The following SDK1 variants were observed in gnomAD, a reference collection of about 807,000 sequenced individuals.
SDK1 encodes the protein protein sidekick-1.
SDK1 carries 157 observed loss-of-function variants against 245.5 expected under a neutral mutation model. That is an observed-to-expected ratio of 0.64 (90% CI 0.56 to 0.73). The LOEUF is 0.73. Among genes scored for constraint, SDK1 ranks in the 30% least tolerant of loss-of-function variants. SDK1 has a pLI of 0.00. For synonymous variants in SDK1, 1,647 were observed against 1,278.5 expected (o/e 1.29, Z -6.15); for missense variants, 3,583 against 3,002.3 (o/e 1.19, Z -4.52).
chr7:3,998,211 C>G (rs755972464), intron 14 of SDK1, among the ~76,000 whole-genome samples: 1 of 152,238 alleles, frequency 6.6e-6, no homozygotes, highest in Non-Finnish European at 1.5e-5. Flanking sequence ...CGCCCCAACT[C>G]GTAAGGGGCA....
At chr7:3,419,562 G>A (rs117479459) in intron 1 of SDK1, among the ~76,000 whole-genome samples, 2,244 of 152,242 alleles carry the variant, frequency 0.015, 32 homozygotes, top group South Asian at 0.046. Flanking sequence ...CTGTTCTGTA[G>A]GATTCTTCTG....
rs971940717 is a variant in SDK1 at position 3,962,700 on chromosome 7, C to T, written c.1278C>T (p.Ser426=). Residue 426 remains serine (S), a synonymous_variant, in exon 9 of 45, where the codon TCC becomes TCT. Coordinates refer to ENST00000404826, the MANE Select transcript of SDK1 (RefSeq NM_152744.4). The part of the protein sequence containing the change: ...PTLQWYKDAI[S]ISRLQNPRYK... The stretch of plus-strand genomic sequence containing the variant: ...TCCAGTGGTACAAGGATGCCATCTC[C>T]ATCAGCAGGCTCCAGAATCCTCGAT... 3 of 1,613,764 alleles carry T rather than the reference C, an allele frequency of 1.9e-6. No individual in the cohort carries two copies. Among genetic ancestry groups the T allele is most frequent in the Admixed American group, 1.7e-5 (1 of 59,996 alleles).
At chr7:3,403,081 C>T (rs1278495365) in intron 1 of SDK1, among the ~76,000 whole-genome samples, 1 of 152,102 alleles carries the variant, frequency 6.6e-6, no homozygotes, top group Non-Finnish European at 1.5e-5. Flanking sequence ...ATTACAGCTG[C>T]ATGCCACCAC....
chr7:3,946,254 T>A (rs1424781108), intron 5 of SDK1, among the ~76,000 whole-genome samples: 3 of 152,088 alleles, frequency 2.0e-5, no homozygotes, highest in African/African-American at 7.2e-5. Flanking sequence ...CATAGCTCAC[T>A]GCAGCCTCAA....
chr7:3,692,679 G>GT (rs1366128339), intron 4 of SDK1, among the ~76,000 whole-genome samples: 3 of 151,560 alleles, frequency 2.0e-5, no homozygotes, highest in Non-Finnish European at 4.4e-5. Flanking sequence ...TGGTCAAAGG[G>GT]TATAAATATT....
At chr7:3,736,369 T>G (rs1049999748) in intron 4 of SDK1, among the ~76,000 whole-genome samples, 1 of 152,184 alleles carries the variant, frequency 6.6e-6, no homozygotes, top group African/African-American at 2.4e-5. Flanking sequence ...CTCGGCTCAC[T>G]GCGAGCTCTG....
Position 4,266,870 on chromosome 7 carries a change from C to G in SDK1, c.*1486C>G. 1 of 985,532 alleles carries G rather than the reference C, an allele frequency of 1.0e-6. No individual in the cohort carries two copies. Among genetic ancestry groups the G allele is most frequent in the Non-Finnish European group, 1.2e-6 (1 of 830,012 alleles). 61.0% of individuals were successfully genotyped at this position (985,532 alleles called of 1,614,324 possible). On this transcript the variant is annotated 3_prime_UTR_variant, in exon 45 of 45. Coordinates refer to ENST00000404826, the MANE Select transcript of SDK1 (RefSeq NM_152744.4). ...ACTCAAGACCACCCTGTCAGTGCCC[C>G]CCAGTGCACGGCAAACGGGCAGGTG...
At chr7:3,391,862 C>T (rs1383946989) in intron 1 of SDK1, among the ~76,000 whole-genome samples, 1 of 151,606 alleles carries the variant, frequency 6.6e-6, no homozygotes, top group Non-Finnish European at 1.5e-5. Context: ...CTCCTGAGCT[C>T]AAGCAATGCA....
At position 3,322,786 on chromosome 7, in the gene SDK1, C is replaced by T. The variant is rs73288369; in HGVS notation, c.298+20902C>T. On this transcript the variant is annotated intron_variant, in intron 1 of 44. Transcript: ENST00000404826. ...GCACTCTTTTGCTCCCTTCTCTTCA[C>T]CTAATGTGTTGTCCCCACCTGCCCT... Among the ~76,000 whole-genome samples, 1,339 of 152,244 alleles carry T rather than the reference C, an allele frequency of 8.8e-3. 23 individuals are homozygous for T. Among genetic ancestry groups the T allele is most frequent in the African/African-American group, 0.03 (1,262 of 41,540 alleles).
At chr7:4,209,218 C>A (rs191818309) in intron 37 of SDK1, among the ~76,000 whole-genome samples, 206 of 152,336 alleles carry the variant, frequency 1.4e-3, no homozygotes, top group African/African-American at 4.9e-3. Context: ...GAGGGTAGAG[C>A]CATGTTGAGC....
intron 4 of SDK1, among the ~76,000 whole-genome samples, chr7:3,737,252 G>A (rs1583357771): frequency 6.6e-6 from 1 of 152,322 alleles, no homozygotes; most frequent in South Asian, 2.1e-4. Context: ...CTGCTGTCTG[G>A]GCTCTCTGGT....
At chr7:3,583,706 C>G (rs1309409125) in intron 1 of SDK1, among the ~76,000 whole-genome samples, 1 of 151,988 alleles carries the variant, frequency 6.6e-6, no homozygotes, top group South Asian at 2.1e-4. Flanking sequence ...CCAGGTGCCC[C>G]CTGAGAGGCA....
chr7:3,562,522 G>C (rs1476824478), intron 1 of SDK1, among the ~76,000 whole-genome samples: 1 of 152,218 alleles, frequency 6.6e-6, no homozygotes, highest in Non-Finnish European at 1.5e-5. Flanking sequence ...TTGGGAGACT[G>C]AAGTGGGCTT....
intron 1 of SDK1, among the ~76,000 whole-genome samples, chr7:3,415,313 TAAAC>T (rs1300231727): frequency 6.6e-6 from 1 of 152,140 alleles, no homozygotes; most frequent in African/African-American, 2.4e-5. Flanking sequence ...TCAGGAGAAG[TAAAC>T]AAAACGTGTA....
chr7:4,050,150 CA>C (rs1789340321), intron 18 of SDK1, among the ~76,000 whole-genome samples: 1 of 152,190 alleles, frequency 6.6e-6, no homozygotes, highest in Non-Finnish European at 1.5e-5. Flanking sequence ...AGACGATGGA[CA>C]GGGGAAGCTC....
chr7:3,336,074 ACT>A (rs1562422171), intron 1 of SDK1, among the ~76,000 whole-genome samples: 1 of 151,974 alleles, frequency 6.6e-6, no homozygotes, highest in African/African-American at 2.4e-5. Flanking sequence ...AGACAGCAAA[ACT>A]CTGAGAAGAG....
chr7:4,181,188 G>C (rs556955141), intron 35 of SDK1, among the ~76,000 whole-genome samples: 1 of 152,204 alleles, frequency 6.6e-6, no homozygotes, highest in East Asian at 1.9e-4. Context: ...AAATGGAGTC[G>C]TGCAGTGCTT....
At chr7:3,598,547 C>G (rs567670509) in intron 1 of SDK1, among the ~76,000 whole-genome samples, 2 of 152,308 alleles carry the variant, frequency 1.3e-5, no homozygotes, top group South Asian at 4.1e-4. Context: ...TCAGGGCAGT[C>G]AAGACCAGAA....
intron 22 of SDK1, among the ~76,000 whole-genome samples, chr7:4,108,661 C>CT (rs1239442926): frequency 6.6e-6 from 1 of 152,168 alleles, no homozygotes. Flanking sequence ...TTTATTGTTT[C>CT]TTTTTTTCGT....
Sources: allele counts gnomAD v4.1 joint callset (sites outside exome capture counted in the v4.1 genomes callset), GRCh38; gene constraint gnomAD v4.1.1; transcripts MANE v1.5; gene names NCBI Gene and HGNC (gene_info 2026-07-23, HGNC 2026-07-21).